Variants in ATP1A2 observed in about 807,000 individuals in gnomAD.
ATP1A2 encodes the protein sodium/potassium-transporting ATPase subunit alpha-2.
ATP1A2 carries 56 observed loss-of-function variants against 113.1 expected under a neutral mutation model. The ratio of observed to expected loss-of-function variants is 0.49; its 90% CI spans 0.40 to 0.62. ATP1A2 has a LOEUF of 0.62. ATP1A2 is among the 20% of genes least tolerant of loss of function. ATP1A2 has a pLI of 0.00. For missense variants in ATP1A2, 712 were observed against 1,357.8 expected (o/e 0.52, Z 7.47); for synonymous variants, 490 against 526.8 (o/e 0.93, Z 0.96).
rs912478019 is a variant in ATP1A2, at chr1:160,123,103, G to A, written c.178-110G>A. The stretch of plus-strand genomic sequence containing the variant: ...TCCCCCACCCCTTCCAACCAGGTGG[G>A]ACTTTCCTTCTGGGCATTCTTCCCA... On this transcript the variant is annotated intron_variant, in intron 3 of 22. Coordinates refer to ENST00000361216, the MANE Select transcript of ATP1A2 (RefSeq NM_000702.4). 4 of 1,290,810 alleles carry A rather than the reference G, an allele frequency of 3.1e-6. No homozygotes were observed. In the African/African-American group the frequency reaches 5.9e-5, roughly 19 times the overall value. 80.0% of individuals were successfully genotyped at this position (1,290,810 alleles called of 1,614,324 possible).
intron 6 of ATP1A2, 115 bp from the exon 7 acceptor site, chr1:160,125,021 T>C (rs1651539757): frequency 1.2e-6 from 1 of 843,640 alleles, no homozygotes; most frequent in Admixed American, 1.8e-5. Context: ...AGGGCAAGTG[T>C]GACTTTGTTC....
At chr1:160,134,729 G>A in intron 14 of ATP1A2, 109 bp downstream of exon 14, 4 of 1,505,006 alleles carry the variant, frequency 2.7e-6, no homozygotes, top group Non-Finnish European at 3.7e-6. Flanking sequence ...ACCTTTATAG[G>A]CCTTACCTCT....
intron 4 of ATP1A2, 74 bp downstream of exon 4, chr1:160,123,490 T>A (rs1570984884): frequency 6.3e-7 from 1 of 1,592,058 alleles, no homozygotes; most frequent in South Asian, 1.1e-5. Flanking sequence ...CAGTGGGGGG[T>A]GGGCAGGGAA....
intron 1 of ATP1A2, among the ~76,000 whole-genome samples, chr1:160,118,686 G>A (rs1651268544): frequency 6.6e-6 from 1 of 152,138 alleles, no homozygotes; most frequent in African/African-American, 2.4e-5. Context: ...GCACTTCTGA[G>A]CAACACAGCC....
chr1:160,134,128 TACAC>T (rs145239662), intron 13 of ATP1A2, among the ~76,000 whole-genome samples: 1 of 59,748 alleles, frequency 1.7e-5, no homozygotes, highest in East Asian at 5.6e-4. Flanking sequence ...CCACCCCACA[TACAC>T]ACACACACAC....
intron 20 of ATP1A2, among the ~76,000 whole-genome samples, chr1:160,139,055 T>A (rs56057641): frequency 3.1e-4 from 47 of 152,318 alleles, no homozygotes; most frequent in African/African-American, 1.1e-3. Context: ...GAACTGGGAA[T>A]AGACACCACC....
chr1:160,118,703 AG>A (rs1321876446), intron 1 of ATP1A2, among the ~76,000 whole-genome samples: 2 of 152,138 alleles, frequency 1.3e-5, no homozygotes, highest in Non-Finnish European at 2.9e-5. Flanking sequence ...AGCCTCCAAA[AG>A]CTCATATCTT....
In ATP1A2 at chr1:160,135,825, G is replaced by T. The variant is rs769398743; in HGVS notation, c.2285-14G>T. ...CCCTCTGACCTCCCTGATGCCCTCA[G>T]AATCTCCCCACAGGCCGCCTGATCT... is the stretch of plus-strand genomic sequence containing the variant. On this transcript the variant is annotated splice_polypyrimidine_tract_variant and intron_variant, in intron 16 of 22. Coordinates refer to ENST00000361216, the MANE Select transcript of ATP1A2 (RefSeq NM_000702.4). The surrounding 1 kb of genome is among the most constrained non-coding windows in gnomAD (Gnocchi z 6.3). 1.2e-6 allele frequency: 2 copies of T among 1,614,120 alleles called. No homozygotes were observed. The highest frequency in any genetic ancestry group is 4.5e-5 in the East Asian group (2 of 44,878).
At chr1:160,126,030 T>A (rs1651575062) in intron 7 of ATP1A2, among the ~76,000 whole-genome samples, 1 of 152,088 alleles carries the variant, frequency 6.6e-6, no homozygotes. Context: ...AGGCCTCATA[T>A]CCCAATCCAC....
intron 18 of ATP1A2, 61 bp downstream of exon 18, chr1:160,136,431 AG>A: frequency 6.2e-7 from 1 of 1,612,590 alleles, no homozygotes. Flanking sequence ...CAGCTTTCAG[AG>A]GAATGAGCCC....
Position 160,124,320 on chromosome 1 carries a change from G to A in ATP1A2, c.520G>A (p.Glu174Lys). The A allele has an allele frequency of 6.8e-6, 11 of 1,609,610 alleles. No homozygotes were observed. The highest frequency in any genetic ancestry group is 9.3e-6 in the Non-Finnish European group (11 of 1,178,078). Reference sequence around the variant, plus strand: ...GCAAGCCCTTGTGATCCGGGAGGGAGAGAAGATGCAGATCAACGCAGAGGA... The same window carrying A: ...GCAAGCCCTTGTGATCCGGGAGGGAAAGAAGATGCAGATCAACGCAGAGGA... ...PQQALVIREG[E>K]KMQINAEEVV... The change falls in exon 6 of 23, where the codon GAG becomes AAG. Residue 174 changes from glutamate (E) to lysine (K), a missense_variant. Physicochemically the swap from Glu to Lys is moderately conservative, Grantham distance 56. Transcript: ENST00000361216.
At chr1:160,140,143 C>T (rs1170754084) in intron 22 of ATP1A2, 159 bp downstream of exon 22, 22 of 733,704 alleles carry the variant, frequency 3.0e-5, no homozygotes, top group Non-Finnish European at 4.7e-5. Context: ...CTGACTCTTT[C>T]GAACCTGTTG....
At chr1:160,130,942 C>A (rs1651752499) in intron 13 of ATP1A2, among the ~76,000 whole-genome samples, 1 of 152,186 alleles carries the variant, frequency 6.6e-6, no homozygotes, top group African/African-American at 2.4e-5. Context: ...TGCCCACCCT[C>A]TCTGTCAACT....
At chr1:160,139,362 G>A (rs1305721374) in intron 20 of ATP1A2, among the ~76,000 whole-genome samples, 1 of 152,156 alleles carries the variant, frequency 6.6e-6, no homozygotes, top group Non-Finnish European at 1.5e-5. Flanking sequence ...TGACCACCGT[G>A]TCTCCAGTAC....
chr1:160,123,511 A>T (rs1298242655), intron 4 of ATP1A2, 95 bp downstream of exon 4: 4 of 1,491,778 alleles, frequency 2.7e-6, no homozygotes, highest in African/African-American at 2.8e-5. Flanking sequence ...CAAGGCCCTC[A>T]CATAACAGTC....
At position 160,133,658 on chromosome 1, in the gene ATP1A2, A is replaced by G. The variant is rs371393387; in HGVS notation, c.1828-826A>G. On this transcript the variant is annotated intron_variant, in intron 13 of 22. Transcript: ENST00000361216. ...TTCTGTCCATTACATTGCTGCAGTG[A>G]TCAATATTTGACACTAAGAACCTCA... Among the ~76,000 whole-genome samples, 105 of 152,172 alleles carry G rather than the reference A, an allele frequency of 6.9e-4. 1 individual carries two copies. The highest frequency in any genetic ancestry group is 2.5e-3 in the African/African-American group (102 of 41,512).
At chr1:160,121,963 C>T (rs929649214) in intron 3 of ATP1A2, among the ~76,000 whole-genome samples, 1 of 152,318 alleles carries the variant, frequency 6.6e-6, no homozygotes, top group Admixed American at 6.5e-5. Context: ...AAAACCCCAT[C>T]TCCACTAAAA....
intron 1 of ATP1A2, among the ~76,000 whole-genome samples, chr1:160,120,389 C>T (rs1241944289): frequency 6.6e-6 from 1 of 152,072 alleles, no homozygotes; most frequent in South Asian, 2.1e-4. Context: ...CCTGCCTAAT[C>T]CCCTGGCTCC....
At chr1:160,139,575 G>C in intron 20 of ATP1A2, 65 bp from the exon 21 acceptor site, 1 of 1,426,642 alleles carries the variant, frequency 7.0e-7, no homozygotes, top group Non-Finnish European at 9.9e-7. Flanking sequence ...GCACCCCAGG[G>C]GTATCCCAGG....
Sources: gnomAD v4.1 joint callset for allele counts (sites outside exome capture counted in the v4.1 genomes callset) on GRCh38, gnomAD v4.1.1 for gene constraint, Gnocchi (gnomAD v3.1) non-coding constraint, MANE v1.5 for transcripts, NCBI Gene and HGNC (gene_info 2026-07-23, HGNC 2026-07-21) for gene names.